NUP214: variants seen among roughly 807,000 people sequenced by gnomAD.
NUP214 encodes the protein nucleoporin 214.
In NUP214, 79 loss-of-function variants were observed where a neutral mutation model predicts 196.2. That is an observed-to-expected ratio of 0.40 (90% CI 0.34 to 0.49). The LOEUF (loss-of-function observed/expected upper bound fraction) is 0.49. Among genes scored for constraint, NUP214 ranks in the 20% least tolerant of loss-of-function variants. The pLI, the probability that NUP214 is intolerant of heterozygous loss-of-function variation, is 0.58. For synonymous variants in NUP214, 1,020 were observed against 990.5 expected, an observed-to-expected ratio of 1.03 and a Z score of -0.56; for missense variants, 2,468 against 2,539.0, an observed-to-expected ratio of 0.97 and a Z score of 0.60.
chr9:131,163,317 A>C, intron 19 of NUP214, 144 bp downstream of exon 19: 1 of 715,696 alleles, frequency 1.4e-6, no homozygotes, highest in Non-Finnish European at 2.2e-6. Context: ...ACCCTCTCTG[A>C]TCCTTTGTTT....
At chr9:131,184,989 A>G (rs1833413271) in intron 24 of NUP214, among the ~76,000 whole-genome samples, 1 of 152,208 alleles carries the variant, frequency 6.6e-6, no homozygotes, top group African/African-American at 2.4e-5. Flanking sequence ...GAAAAGATAC[A>G]TGTGATAGTG....
chr9:131,127,041 TG>T (rs1831379088), intron 1 of NUP214: 1 of 152,980 alleles, frequency 6.5e-6, no homozygotes, highest in African/African-American at 2.4e-5. Context: ...AAGACTATTA[TG>T]GCCCCTTTAC....
At chr9:131,153,735 A>C (rs1832342673) in intron 17 of NUP214, among the ~76,000 whole-genome samples, 1 of 152,262 alleles carries the variant, frequency 6.6e-6, no homozygotes, top group Non-Finnish European at 1.5e-5. Context: ...GAAACTGCCC[A>C]GGTTTTACCA....
chr9:131,178,926 G>GT (rs1833190423), intron 24 of NUP214, among the ~76,000 whole-genome samples: 1 of 152,126 alleles, frequency 6.6e-6, no homozygotes, highest in Non-Finnish European at 1.5e-5. Context: ...GGGCTGGATT[G>GT]TTGCTGGTGG....
At position 131,147,641 on chromosome 9, in the gene NUP214, A is replaced by T. The variant is rs1170379104; in HGVS notation, c.2040+57A>T. 7 of 1,219,402 alleles carry T rather than the reference A, an allele frequency of 5.7e-6. No homozygotes were observed. The Admixed American group carries it at 1.3e-4, about 22-fold the overall frequency. The allele number at this position is 1,219,402 out of a possible 1,614,324, so 75.5% of individuals were successfully genotyped here. ...TTTATTAATTTACTGCCCCAAGCATACCTATGAATAAAATGAGTTTTCATG... is the reference window on the plus strand; with the variant it reads ...TTTATTAATTTACTGCCCCAAGCATTCCTATGAATAAAATGAGTTTTCATG... On this transcript the variant is annotated intron_variant, in intron 14 of 35. Transcript: ENST00000359428.
At position 131,216,625 on chromosome 9, in the gene NUP214, C is replaced by T. The variant is rs559695702; in HGVS notation, c.5749+1257C>T. 3.3e-5 allele frequency among the ~76,000 whole-genome samples: 5 copies of T among 150,864 alleles called. No homozygotes were observed. In the Admixed American group the frequency reaches 3.3e-4, roughly 10 times the overall value. ...TCGGCTCACTGCAACCTCCCAGGTT[C>T]AAGCAATTCTCCCAGCTCAGCTTCC... On this transcript the variant is annotated intron_variant, in intron 31 of 35. Coordinates refer to ENST00000359428, the MANE Select transcript of NUP214 (RefSeq NM_005085.4).
intron 32 of NUP214, among the ~76,000 whole-genome samples, chr9:131,223,781 C>G (rs555146861): frequency 1.3e-5 from 1 of 78,804 alleles, no homozygotes; most frequent in African/African-American, 4.4e-5. Context: ...GTCGCCCAGG[C>G]TGGAGTGCAG....
intron 29 of NUP214, among the ~76,000 whole-genome samples, chr9:131,200,740 C>G (rs1210719505): frequency 6.6e-6 from 1 of 151,894 alleles, no homozygotes; most frequent in African/African-American, 2.4e-5. Flanking sequence ...GAGAGTAGAA[C>G]TCCTGCCTTC....
At chr9:131,177,528 C>T (rs1833151885) in intron 23 of NUP214, among the ~76,000 whole-genome samples, 1 of 152,050 alleles carries the variant, frequency 6.6e-6, no homozygotes, top group Non-Finnish European at 1.5e-5. Flanking sequence ...GATGTGCAGT[C>T]GTGGGCAAGA....
intron 23 of NUP214, 45 bp downstream of exon 23, chr9:131,175,666 T>C: frequency 6.3e-7 from 1 of 1,590,150 alleles, no homozygotes; most frequent in Non-Finnish European, 8.6e-7. Flanking sequence ...GATTATGAGC[T>C]GTCTGAGTCA....
rs1297764855 is a variant in NUP214 at position 131,139,406 on chromosome 9, CAGT to C, written c.1132+1_1132+3del. On this transcript the variant is annotated splice_donor_variant and coding_sequence_variant, in exon 10 of 36. Coordinates refer to ENST00000359428, the MANE Select transcript of NUP214 (RefSeq NM_005085.4). LOFTEE classifies it high-confidence loss of function. ...ATACAAACCAAGTGGAAATCACCAT[CAGT>C]AAGTGTAGCCTGGTAGTTAGTGCAG... 6.2e-7 allele frequency: 1 copy of C among 1,604,166 alleles called. No individual in the cohort carries two copies. The highest frequency in any genetic ancestry group is 2.3e-5 in the East Asian group (1 of 44,398).
Position 131,147,768 on chromosome 9 carries a change from A to G in NUP214, c.2040+184A>G, listed in dbSNP as rs545409448. On this transcript the variant is annotated intron_variant, in intron 14 of 35. Coordinates refer to ENST00000359428, the MANE Select transcript of NUP214 (RefSeq NM_005085.4). ...GTATACTCGTAAAAGCCATTTAGCTATTTTAATTTTTTATTCATGTATAAT... is the reference window on the plus strand; with the variant it reads ...GTATACTCGTAAAAGCCATTTAGCTGTTTTAATTTTTTATTCATGTATAAT... Among the ~76,000 whole-genome samples the G allele has an allele frequency of 7.9e-5, 12 of 152,254 alleles. No homozygotes were observed. The South Asian group carries it at 1.9e-3, about 24-fold the overall frequency.
chr9:131,228,058 T>G (rs1275180536), intron 32 of NUP214, 102 bp from the exon 33 acceptor site: 4 of 1,191,046 alleles, frequency 3.4e-6, no homozygotes, highest in Non-Finnish European at 4.5e-6. Context: ...TTTCCCTTTT[T>G]TCTTCCTATT....
At chr9:131,214,540 A>G (rs187463670) in intron 30 of NUP214, among the ~76,000 whole-genome samples, 30 of 152,300 alleles carry the variant, frequency 2.0e-4, no homozygotes, top group Admixed American at 2.0e-3. Context: ...CCTCAAATGT[A>G]GCCCAGTTGT....
Position 131,129,279 on chromosome 9 carries a change from G to A in NUP214, c.394G>A (p.Ala132Thr). The A allele has an allele frequency of 1.2e-6, 2 of 1,613,612 alleles. No individual in the cohort carries two copies. Among genetic ancestry groups the A allele is most frequent in the African/African-American group, 1.3e-5 (1 of 75,008 alleles). ...FFDVRTFSNE[A>T]KQQKRPFAYH... ...CACTTTTGCATATTTGTTTTAAAAG[G>A]CTAAACAGCAAAAACGCCCATTTGC... Residue 132 changes from alanine to threonine, a missense_variant and splice_region_variant, in exon 4 of 36, where the codon GCT becomes ACT. Around this residue, in one of 5 missense-constraint regions of NUP214, gnomAD observed 392 missense variants for 417.9 expected, o/e 0.94. Transcript: ENST00000359428.
At chr9:131,139,535 T>C (rs1831846824) in intron 10 of NUP214, 128 bp downstream of exon 10, 1 of 1,385,070 alleles carries the variant, frequency 7.2e-7, no homozygotes, top group East Asian at 2.5e-5. Context: ...GCAGCACATT[T>C]CTCCCTGAAG....
At chr9:131,137,927 G>T (rs929489688) in intron 9 of NUP214, among the ~76,000 whole-genome samples, 1 of 152,180 alleles carries the variant, frequency 6.6e-6, no homozygotes, top group Non-Finnish European at 1.5e-5. Flanking sequence ...TAGCCTTCCA[G>T]TTGTTATCTG....
intron 30 of NUP214, among the ~76,000 whole-genome samples, chr9:131,206,141 C>CTTTTTTTTTTT (rs1588166866): frequency 2.9e-4 from 7 of 23,860 alleles, no homozygotes; most frequent in East Asian, 2.9e-3. Context: ...GAATTTTTTT[C>CTTTTTTTTTTT]TTTTTTCTTT....
intron 29 of NUP214, among the ~76,000 whole-genome samples, chr9:131,201,068 C>A (rs533719418): frequency 1.3e-5 from 2 of 148,996 alleles, no homozygotes; most frequent in East Asian, 3.9e-4. Context: ...GAAAAATGGT[C>A]TTTAAAGTAT....
Sources: gnomAD v4.1 joint callset for allele counts (sites outside exome capture counted in the v4.1 genomes callset) on GRCh38, gnomAD v4.1.1 for gene constraint, gnomAD v4.1.1 regional missense constraint, MANE v1.5 for transcripts, NCBI Gene and HGNC (gene_info 2026-07-23, HGNC 2026-07-21) for gene names.